The following MAGI2 variants were observed in gnomAD, a reference collection of about 807,000 sequenced individuals.
MAGI2 encodes membrane-associated guanylate kinase, WW and PDZ domain-containing protein 2.
MAGI2 carries 35 observed loss-of-function variants against 133.3 expected under a neutral mutation model. The observed-to-expected ratio is 0.26, with a 90% confidence interval of 0.20 to 0.35. The LOEUF (loss-of-function observed/expected upper bound fraction) is 0.35, where lower values mean the gene tolerates loss of function less well. Among genes scored for constraint, MAGI2 ranks in the 10% least tolerant of loss-of-function variants. MAGI2 has a pLI of 1.00. For missense variants in MAGI2, 1,636 were observed against 1,863.4 expected (o/e 0.88, Z 2.25); for synonymous variants, 729 against 710.6 (o/e 1.03, Z -0.41).
chr7:78,055,279 C>T (rs1463936482), intron 21 of MAGI2, among the ~76,000 whole-genome samples: 1 of 152,192 alleles, frequency 6.6e-6, no homozygotes. Context: ...CTTCATGTCA[C>T]ATTTTGCAAT....
chr7:78,364,013 C>G (rs1793117023), intron 7 of MAGI2, among the ~76,000 whole-genome samples: 1 of 151,970 alleles, frequency 6.6e-6, no homozygotes, highest in African/African-American at 2.4e-5. Flanking sequence ...TCATTTCTTT[C>G]TCGTCTTTTC....
At chr7:79,375,589 C>CCCATTT (rs141158781) in intron 1 of MAGI2, among the ~76,000 whole-genome samples, 53,125 of 151,316 alleles carry the variant, frequency 0.35, 10,461 homozygotes, top group African/African-American at 0.54. Context: ...CACACATTAG[C>CCCATTT]CCATTTGGTC....
intron 2 of MAGI2, among the ~76,000 whole-genome samples, chr7:78,646,782 T>TTA (rs1240409190): frequency 6.6e-6 from 1 of 152,176 alleles, no homozygotes; most frequent in African/African-American, 2.4e-5. Context: ...AAACCATCCT[T>TTA]TAGCGCTGAC....
At chr7:79,251,859 A>G (rs1276019458) in intron 1 of MAGI2, among the ~76,000 whole-genome samples, 1 of 152,052 alleles carries the variant, frequency 6.6e-6, no homozygotes, top group East Asian at 1.9e-4. Context: ...AGATGGATGA[A>G]TGGATTTAAA....
At chr7:79,404,625 G>GT (rs1845685084) in intron 1 of MAGI2, among the ~76,000 whole-genome samples, 1 of 152,070 alleles carries the variant, frequency 6.6e-6, no homozygotes, top group African/African-American at 2.4e-5. Context: ...GGAAACATAT[G>GT]TTTTTCAAAA....
intron 3 of MAGI2, among the ~76,000 whole-genome samples, chr7:78,534,966 C>T (rs1797759771): frequency 6.6e-6 from 1 of 152,022 alleles, no homozygotes. Context: ...AACCCCGTCT[C>T]TACTAAAAAT....
chr7:79,290,245 T>C (rs1193395571), intron 1 of MAGI2, among the ~76,000 whole-genome samples: 2 of 152,066 alleles, frequency 1.3e-5, no homozygotes, highest in Admixed American at 6.6e-5. Flanking sequence ...CCTATTCTCG[T>C]ACCACCTCAA....
At chr7:79,126,801 T>C (rs1820446439) in intron 1 of MAGI2, among the ~76,000 whole-genome samples, 1 of 151,492 alleles carries the variant, frequency 6.6e-6, no homozygotes, top group African/African-American at 2.4e-5. Context: ...TATTAAATAA[T>C]TTATTATTAT....
chr7:78,597,407 T>A (rs900016607), intron 3 of MAGI2, among the ~76,000 whole-genome samples: 1 of 151,846 alleles, frequency 6.6e-6, no homozygotes, highest in Non-Finnish European at 1.5e-5. Flanking sequence ...ATTTTAGATT[T>A]GGATCCCAAT....
intron 2 of MAGI2, among the ~76,000 whole-genome samples, chr7:78,655,454 C>CAAAAAAAAAAAAAAAAAAAAAAAACAA: frequency 4.6e-5 from 3 of 64,944 alleles, no homozygotes; most frequent in African/African-American, 1.9e-4. Flanking sequence ...AAAAAACAAC[C>CAAAAAAAAAAAAAAAAAAAAAAAACAA]AAAAAAAAAA....
At chr7:78,696,129 A>C (rs1817491073) in intron 2 of MAGI2, among the ~76,000 whole-genome samples, 1 of 152,036 alleles carries the variant, frequency 6.6e-6, no homozygotes, top group African/African-American at 2.4e-5. Context: ...TTGTAGAAAG[A>C]GGGTCTTGCC....
At position 78,991,405 on chromosome 7, in the gene MAGI2, CAT is replaced by C. The variant is rs139798257; in HGVS notation, c.418+15683_418+15684del. 2.8e-3 allele frequency among the ~76,000 whole-genome samples: 425 copies of C among 151,838 alleles called. 3 individuals carry two copies. The highest frequency in any genetic ancestry group is 9.1e-3 in the South Asian group (44 of 4,820). On this transcript the variant is annotated intron_variant, in intron 2 of 21. Coordinates refer to ENST00000354212, the MANE Select transcript of MAGI2 (RefSeq NM_012301.4). ...ATAGTTGTCTACATCTATATCTACA[CAT>C]AGAGACATATATAAACATATATACT...
At chr7:78,269,356 G>C (rs564391199) in intron 9 of MAGI2, among the ~76,000 whole-genome samples, 2 of 152,150 alleles carry the variant, frequency 1.3e-5, no homozygotes, top group Non-Finnish European at 2.9e-5. Flanking sequence ...TTGAGGGATT[G>C]CCACACTGTC....
At chr7:79,325,098 C>G (rs953339556) in intron 1 of MAGI2, among the ~76,000 whole-genome samples, 5 of 152,118 alleles carry the variant, frequency 3.3e-5, no homozygotes, top group African/African-American at 1.2e-4. Flanking sequence ...ATAAATACGT[C>G]CTGGGAATCT....
At chr7:79,315,740 A>G (rs1838674135) in intron 1 of MAGI2, among the ~76,000 whole-genome samples, 1 of 152,192 alleles carries the variant, frequency 6.6e-6, no homozygotes, top group Non-Finnish European at 1.5e-5. Flanking sequence ...AAAGTCCAGT[A>G]ACTCTGGGCA....
At chr7:78,753,906 G>C (rs1342275887) in intron 2 of MAGI2, among the ~76,000 whole-genome samples, 1 of 152,004 alleles carries the variant, frequency 6.6e-6, no homozygotes, top group Non-Finnish European at 1.5e-5. Flanking sequence ...TCTATACTGA[G>C]AATTTTATAC....
chr7:79,167,397 C>CAAAAAAAAAAA (rs10542271), intron 1 of MAGI2, among the ~76,000 whole-genome samples: 1 of 84,732 alleles, frequency 1.2e-5, no homozygotes, highest in Non-Finnish European at 2.4e-5. Flanking sequence ...CCAAAAATGG[C>CAAAAAAAAAAA]AAAAAAAAAA....
intron 1 of MAGI2, among the ~76,000 whole-genome samples, chr7:79,340,106 T>C (rs562398535): frequency 1.9e-4 from 29 of 152,204 alleles, no homozygotes; most frequent in African/African-American, 7.0e-4. Context: ...TTTTCAAATA[T>C]TTGTTCTGTT....
intron 1 of MAGI2, chr7:79,008,735 C>A (rs1003651443): frequency 3.9e-5 from 6 of 152,270 alleles, no homozygotes; most frequent in Non-Finnish European, 8.8e-5. Flanking sequence ...TTTGAAACTG[C>A]CATTACACAA....
Sources: gnomAD v4.1 joint callset for allele counts (sites outside exome capture counted in the v4.1 genomes callset) on GRCh38, gnomAD v4.1.1 for gene constraint, MANE v1.5 for transcripts, NCBI Gene and HGNC (gene_info 2026-07-23, HGNC 2026-07-21) for gene names.